Variants in NEK1 observed in about 807,000 individuals in gnomAD.
The protein encoded by NEK1 is NIMA related kinase 1, also known as serine/threonine-protein kinase Nek1.
NEK1 carries 137 observed loss-of-function variants against 182.1 expected under a neutral mutation model. The ratio of observed to expected loss-of-function variants is 0.75; its 90% CI spans 0.65 to 0.87. NEK1 has a LOEUF of 0.87. Ranked by LOEUF, NEK1 falls within the 40% of genes least tolerant of loss-of-function variation. The probability of loss-of-function intolerance (pLI) is 0.00; values close to 1 mark genes in which losing one functional copy is unlikely to be tolerated. For missense variants in NEK1, 1,391 were observed against 1,494.4 expected, an observed-to-expected ratio of 0.93 and a Z score of 1.14; for synonymous variants, 513 against 492.2, an observed-to-expected ratio of 1.04 and a Z score of -0.56.
chr4:169,567,003 T>C (rs1038796966), intron 12 of NEK1, among the ~76,000 whole-genome samples: 6 of 151,998 alleles, frequency 3.9e-5, no homozygotes, highest in Non-Finnish European at 8.8e-5. Context: ...GCAGAGGTGA[T>C]TGCTTGAGCC....
At chr4:169,470,542 G>T (rs1274934249) in intron 26 of NEK1, among the ~76,000 whole-genome samples, 1 of 152,200 alleles carries the variant, frequency 6.6e-6, no homozygotes, top group Middle Eastern at 3.2e-3. Context: ...CTCTTTGGCT[G>T]CCCTTAACAT....
At chr4:169,461,675 G>A (rs1413744085) in intron 27 of NEK1, among the ~76,000 whole-genome samples, 1 of 152,164 alleles carries the variant, frequency 6.6e-6, no homozygotes, top group Non-Finnish European at 1.5e-5. Flanking sequence ...AGAAAAAGAA[G>A]AGGGGAGATA....
chr4:169,568,937 CAA>C (rs71590018), intron 12 of NEK1, among the ~76,000 whole-genome samples: 11 of 91,406 alleles, frequency 1.2e-4, no homozygotes, highest in East Asian at 3.0e-4. Context: ...AACTCCATTT[CAA>C]AAAAAAAAAA....
chr4:169,466,164 C>T (rs4130123), intron 26 of NEK1, among the ~76,000 whole-genome samples: 29,698 of 151,928 alleles, frequency 0.2, 4,396 homozygotes, highest in African/African-American at 0.42. Context: ...ATAAGATCCA[C>T]ACTGAACTTG....
intron 26 of NEK1, among the ~76,000 whole-genome samples, chr4:169,471,491 C>T (rs1355250486): frequency 6.6e-6 from 1 of 152,162 alleles, no homozygotes; most frequent in Non-Finnish European, 1.5e-5. Flanking sequence ...GATCCTTCCT[C>T]TGGAAGCTTC....
At chr4:169,483,903 T>A (rs1748576919) in intron 23 of NEK1, among the ~76,000 whole-genome samples, 1 of 151,824 alleles carries the variant, frequency 6.6e-6, no homozygotes, top group Admixed American at 6.6e-5. Flanking sequence ...AAATAACTTT[T>A]AAAAATATCT....
chr4:169,571,942 G>A (rs1764936681), intron 12 of NEK1, among the ~76,000 whole-genome samples: 1 of 137,192 alleles, frequency 7.3e-6, no homozygotes, highest in South Asian at 2.3e-4. Flanking sequence ...GTTTCACCAT[G>A]TTGGCCATGA....
chr4:169,569,781 C>T (rs372816302), intron 12 of NEK1, among the ~76,000 whole-genome samples: 3 of 152,190 alleles, frequency 2.0e-5, no homozygotes, highest in African/African-American at 4.8e-5. Flanking sequence ...GACGGAGTCT[C>T]GTTCACTCAG....
chr4:169,428,371 T>TATATATATATATATATATATATAA (rs1447545764), intron 29 of NEK1, among the ~76,000 whole-genome samples: 1 of 144,780 alleles, frequency 6.9e-6, no homozygotes. Flanking sequence ...TATATATATA[T>TATATATATATATATATATATATAA]AATGGAATAT....
chr4:169,477,025 C>G (rs1747076258), intron 26 of NEK1, 99 bp downstream of exon 26: 1 of 763,702 alleles, frequency 1.3e-6, no homozygotes, highest in East Asian at 2.8e-5. Flanking sequence ...TTCAGCTTCT[C>G]TCAATTCTTC....
intron 27 of NEK1, 89 bp downstream of exon 27, chr4:169,463,154 T>C (rs1410446264): frequency 5.7e-6 from 4 of 700,256 alleles, no homozygotes; most frequent in Middle Eastern, 4.5e-4. Flanking sequence ...TTAAAAATAA[T>C]TCACTTAAAA....
At chr4:169,497,715 T>A (rs1751616339) in intron 23 of NEK1, among the ~76,000 whole-genome samples, 1 of 152,228 alleles carries the variant, frequency 6.6e-6, no homozygotes, top group Admixed American at 6.5e-5. Flanking sequence ...TTGAGCGGTT[T>A]TGAGTGAGTG....
intron 27 of NEK1, among the ~76,000 whole-genome samples, chr4:169,456,226 C>T (rs112936444): frequency 1.3e-5 from 2 of 151,946 alleles, no homozygotes; most frequent in African/African-American, 2.4e-5. Flanking sequence ...AGTACTAAGA[C>T]GGAAGTTTAT....
chr4:169,488,637 C>T (rs557369570), intron 23 of NEK1, among the ~76,000 whole-genome samples: 2 of 152,178 alleles, frequency 1.3e-5, no homozygotes, highest in South Asian at 2.1e-4. Context: ...AGGAAATATA[C>T]GTGGTTTTAC....
intron 31 of NEK1, among the ~76,000 whole-genome samples, chr4:169,421,366 T>C (rs1735462074): frequency 6.6e-6 from 1 of 152,062 alleles, no homozygotes; most frequent in Admixed American, 6.5e-5. Flanking sequence ...ATACATAAAA[T>C]AAAAACTGAC....
Position 169,393,071 on chromosome 4 carries a change from T to C in NEK1, c.*1439A>G, listed in dbSNP as rs1031566645. The C allele has an allele frequency of 2.0e-5, 3 of 152,172 alleles. No individual in the cohort carries two copies. The highest frequency in any genetic ancestry group is 4.4e-5 in the Non-Finnish European group (3 of 68,020). The allele number at this position is 152,172 out of a possible 1,614,324, so 9.4% of individuals were successfully genotyped here. ...ATATTATACCCTTTTCTAATAGTTG[T>C]AATAGTTTAAGAATTAATACACAAC... On this transcript the variant is annotated 3_prime_UTR_variant, in exon 36 of 36. Coordinates refer to ENST00000507142, the MANE Select transcript of NEK1 (RefSeq NM_001199397.3).
At position 169,479,481 on chromosome 4, in the gene NEK1, A is replaced by C. The variant is rs201398462; in HGVS notation, c.2061T>G (p.His687Gln). The change falls in exon 24 of 36, where the codon CAT (histidine) becomes CAG (glutamine). Residue 687 changes from histidine to glutamine, a missense_variant. Coordinates refer to ENST00000507142, the MANE Select transcript of NEK1 (RefSeq NM_001199397.3). Reference protein sequence around the residue: ...SSDVSPPLGQHETGGSPSKQQ... With the variant: ...SSDVSPPLGQQETGGSPSKQQ... Reference sequence around the variant, plus strand: ...GCTTTGATGGAGAGCCACCTGTTTCATGCTGTCCCAAAGGTGGAGAAACAT... The same window carrying C: ...GCTTTGATGGAGAGCCACCTGTTTCCTGCTGTCCCAAAGGTGGAGAAACAT... 3.7e-6 allele frequency: 6 copies of C among 1,612,096 alleles called. No homozygotes were observed. In the African/African-American group the frequency reaches 6.7e-5, roughly 18 times the overall value.
At chr4:169,610,460 C>A (rs1385131839) in intron 2 of NEK1, among the ~76,000 whole-genome samples, 1 of 151,914 alleles carries the variant, frequency 6.6e-6, no homozygotes, top group East Asian at 1.9e-4. Context: ...ATTACAGGCA[C>A]GCACCACCAC....
intron 26 of NEK1, among the ~76,000 whole-genome samples, chr4:169,471,671 C>T (rs947276492): frequency 1.3e-5 from 2 of 152,176 alleles, no homozygotes; most frequent in Non-Finnish European, 2.9e-5. Context: ...AGATCTGTTC[C>T]TCTCTTCAGA....
Sources: allele counts gnomAD v4.1 joint callset (sites outside exome capture counted in the v4.1 genomes callset), GRCh38; gene constraint gnomAD v4.1.1; transcripts MANE v1.5; gene names NCBI Gene and HGNC (gene_info 2026-07-23, HGNC 2026-07-21).